COG2: variants seen among roughly 807,000 people sequenced by gnomAD.
COG2 encodes conserved oligomeric Golgi complex subunit 2.
Under a neutral mutation model 90.6 loss-of-function variants are expected in COG2, and 52 were observed. The observed-to-expected ratio is 0.57, with a 90% CI of 0.46 to 0.72. COG2 has a LOEUF of 0.72. COG2 is among the 30% of genes least tolerant of loss of function. The pLI is 0.00. For missense variants in COG2, 829 were observed against 891.2 expected, an observed-to-expected ratio of 0.93 and a Z score of 0.89; for synonymous variants, 337 against 320.4, an observed-to-expected ratio of 1.05 and a Z score of -0.55.
In COG2 at chr1:230,689,686, G is replaced by A. The variant is rs113040591; in HGVS notation, c.1795-328G>A. 2.4e-3 allele frequency among the ~76,000 whole-genome samples: 363 copies of A among 152,306 alleles called. 2 individuals carry two copies. The highest frequency in any genetic ancestry group is 8.5e-3 in the African/African-American group (355 of 41,556). On this transcript the variant is annotated intron_variant, in intron 15 of 17. Transcript: ENST00000366669. ...AACAGAATTAGAACCTGAGTTTTACGAGATCACCAGGTGATTGGTGTGGAC... is the reference window on the plus strand; with the variant it reads ...AACAGAATTAGAACCTGAGTTTTACAAGATCACCAGGTGATTGGTGTGGAC...
chr1:230,664,455 T>C, intron 4 of COG2, 29 bp from the exon 5 acceptor site: 1 of 998,584 alleles, frequency 1.0e-6, no homozygotes, highest in Non-Finnish European at 1.5e-6. Context: ...AACATGACAA[T>C]AACTTTTTTC....
intron 4 of COG2, among the ~76,000 whole-genome samples, chr1:230,663,760 T>C (rs1249018100): frequency 6.6e-6 from 1 of 152,208 alleles, no homozygotes; most frequent in Non-Finnish European, 1.5e-5. Context: ...ATGTCTTTAA[T>C]GAATTGGCAC....
chr1:230,652,123 T>C (rs912505270), intron 1 of COG2, among the ~76,000 whole-genome samples: 4 of 152,236 alleles, frequency 2.6e-5, no homozygotes, highest in African/African-American at 7.2e-5. Flanking sequence ...TACAGTATCA[T>C]ACAGAACAGT....
chr1:230,659,776 C>G, intron 2 of COG2, 151 bp downstream of exon 2: 1 of 699,120 alleles, frequency 1.4e-6, no homozygotes. Context: ...ATAAAATAAC[C>G]AAACTTTCTT....
In COG2 at chr1:230,671,591, C is replaced by A. The variant is rs771995862; in HGVS notation, c.850C>A (p.Pro284Thr). The part of the protein sequence containing the change: ...VMYNKLLEFV[P>T]HHCRLLREVT... Reference sequence around the variant, plus strand: ...GTATAATAAACTCCTGGAGTTTGTTCCTCACCATTGCCGCCTTCTTCGAGA... The same window carrying A: ...GTATAATAAACTCCTGGAGTTTGTTACTCACCATTGCCGCCTTCTTCGAGA... The change falls in exon 8 of 18, where the codon CCT (proline) becomes ACT (threonine). Residue 284 changes from proline (P) to threonine (T), a missense_variant. Transcript: ENST00000366669. 110 of 1,613,564 alleles carry A rather than the reference C, an allele frequency of 6.8e-5. No homozygotes were observed. The highest frequency in any genetic ancestry group is 9.2e-5 in the Non-Finnish European group (108 of 1,179,710).
At chr1:230,648,212 A>C (rs1467696673) in intron 1 of COG2, among the ~76,000 whole-genome samples, 2 of 152,254 alleles carry the variant, frequency 1.3e-5, no homozygotes, top group African/African-American at 4.8e-5. Context: ...AATTTAAAAC[A>C]AATTGTAACC....
chr1:230,690,147 C>T lies in COG2; in HGVS notation c.1928C>T (p.Thr643Ile). 6.2e-7 allele frequency: 1 copy of T among 1,612,044 alleles called. No individual in the cohort carries two copies. The highest frequency in any genetic ancestry group is 8.5e-7 in the Non-Finnish European group (1 of 1,179,252). ...CTAGAAGGCACTCTCAGTGAAAGCA[C>T]TCATAAGTAAGTAAATTAAAAGCAG... is the stretch of plus-strand genomic sequence containing the variant. ...QWLEGTLSES[T>I]HKYYETVSDV... is the part of the protein sequence containing the mutation. The change falls in exon 16 of 18, where the codon ACT (threonine) becomes ATT (isoleucine). Residue 643 changes from threonine to isoleucine, a missense_variant. By Grantham distance (89) the Thr-to-Ile change is moderately conservative (BLOSUM62 -1). Transcript: ENST00000366669.
chr1:230,680,715 G>A (rs562313681), intron 10 of COG2: 36 of 152,200 alleles, frequency 2.4e-4, no homozygotes, highest in South Asian at 1.7e-3. Context: ...TTTGAGTTAC[G>A]GAAGTGTAGA....
At chr1:230,649,666 G>A (rs929750358) in intron 1 of COG2, among the ~76,000 whole-genome samples, 1 of 152,142 alleles carries the variant, frequency 6.6e-6, no homozygotes, top group African/African-American at 2.4e-5. Flanking sequence ...AATTACAGCA[G>A]TGATTATTTA....
At chr1:230,692,040 A>C (rs1316698203) in intron 17 of COG2, among the ~76,000 whole-genome samples, 13 of 152,070 alleles carry the variant, frequency 8.5e-5, no homozygotes, top group Admixed American at 7.2e-4. Flanking sequence ...GAATCATGGC[A>C]CGTAGTTGAA....
At chr1:230,678,287 G>T in intron 9 of COG2, 9 of 985,378 alleles carry the variant, frequency 9.1e-6, no homozygotes, top group Non-Finnish European at 1.1e-5. Flanking sequence ...AGAAGAAGAA[G>T]CATCATTTGT....
At chr1:230,686,732 C>T (rs1443989302) in intron 12 of COG2, among the ~76,000 whole-genome samples, 5 of 151,956 alleles carry the variant, frequency 3.3e-5, no homozygotes, top group African/African-American at 9.7e-5. Context: ...TACCTGGGGC[C>T]GTAGTTTGTC....
intron 12 of COG2, 74 bp downstream of exon 12, chr1:230,685,310 A>T: frequency 1.3e-6 from 2 of 1,506,788 alleles, no homozygotes; most frequent in Non-Finnish European, 1.8e-6. Context: ...TAACTCCCTA[A>T]GATTTTTGTA....
chr1:230,650,681 G>A (rs1308906424), intron 1 of COG2, among the ~76,000 whole-genome samples: 1 of 151,978 alleles, frequency 6.6e-6, no homozygotes, highest in Non-Finnish European at 1.5e-5. Flanking sequence ...CTTTTGCTCT[G>A]CAGAGCTTTT....
chr1:230,690,233 C>T lies in COG2; in HGVS notation c.1934+80C>T, dbSNP rs544657728. ...AAACCCCCAAGGCAATCAAGCACTG[C>T]GTATGGATAAGGCAGTGAGACTGCC... is the stretch of plus-strand genomic sequence containing the variant. On this transcript the variant is annotated intron_variant, in intron 16 of 17. Coordinates refer to ENST00000366669, the MANE Select transcript of COG2 (RefSeq NM_007357.3). 5.4e-5 allele frequency: 69 copies of T among 1,271,432 alleles called. 1 individual carries two copies. Among genetic ancestry groups the T allele is most frequent in the South Asian group, 5.3e-4 (39 of 73,674 alleles). The allele number at this position is 1,271,432 out of a possible 1,614,324, so 78.8% of individuals were successfully genotyped here.
At chr1:230,679,320 A>G (rs1662675867) in intron 10 of COG2, 2 of 298,466 alleles carry the variant, frequency 6.7e-6, no homozygotes, top group Admixed American at 4.7e-5. Flanking sequence ...GCCCAGCCTC[A>G]TTCCCACCCA....
chr1:230,652,077 G>A (rs1222339385), intron 1 of COG2, among the ~76,000 whole-genome samples: 1 of 152,052 alleles, frequency 6.6e-6, no homozygotes, highest in Non-Finnish European at 1.5e-5. Context: ...ACATTCAATG[G>A]GTTTTAATAA....
At chr1:230,673,419 C>T (rs1474980418) in intron 8 of COG2, among the ~76,000 whole-genome samples, 2 of 152,174 alleles carry the variant, frequency 1.3e-5, no homozygotes, top group African/African-American at 4.8e-5. Context: ...ATGTGCCACC[C>T]TTCATGAGCT....
intron 8 of COG2, 130 bp downstream of exon 8, chr1:230,671,770 T>G (rs1287319934): frequency 1.2e-6 from 1 of 824,560 alleles, no homozygotes; most frequent in African/African-American, 1.7e-5. Context: ...AATCTTGTTA[T>G]TTCATTGTTT....
Sources: gnomAD v4.1 joint callset for allele counts (sites outside exome capture counted in the v4.1 genomes callset) on GRCh38, gnomAD v4.1.1 for gene constraint, MANE v1.5 for transcripts, NCBI Gene and HGNC (gene_info 2026-07-23, HGNC 2026-07-21) for gene names.